Variants in MAMDC2 observed in about 807,000 individuals in gnomAD.
MAMDC2 encodes the protein MAM domain containing 2.
In MAMDC2, 57 loss-of-function variants were observed where a neutral mutation model predicts 89.8. The ratio of observed to expected loss-of-function variants is 0.63; its 90% confidence interval spans 0.51 to 0.79. The LOEUF (loss-of-function observed/expected upper bound fraction) is 0.79, where lower values mean the gene tolerates loss of function less well. Ranked by LOEUF, MAMDC2 falls within the 30% of genes least tolerant of loss-of-function variation. The pLI is 0.00. For missense variants in MAMDC2, 800 were observed against 820.6 expected (o/e 0.97, Z 0.31); for synonymous variants, 313 against 293.4 (o/e 1.07, Z -0.68).
At chr9:70,058,897 G>C (rs1827084982) in intron 2 of MAMDC2, among the ~76,000 whole-genome samples, 1 of 152,092 alleles carries the variant, frequency 6.6e-6, no homozygotes, top group African/African-American at 2.4e-5. Context: ...CAGTGCCCTG[G>C]AACAACAAGA....
chr9:70,139,227 C>T (rs1233483491), intron 7 of MAMDC2, among the ~76,000 whole-genome samples: 3 of 145,164 alleles, frequency 2.1e-5, no homozygotes, highest in East Asian at 4.2e-4. Context: ...CCCATTAACT[C>T]GTCATTTAGC....
chr9:70,193,295 C>A (rs1293845554), intron 11 of MAMDC2, among the ~76,000 whole-genome samples: 1 of 151,960 alleles, frequency 6.6e-6, no homozygotes, highest in Non-Finnish European at 1.5e-5. Flanking sequence ...ATTTCTTTTC[C>A]ATGGAGGATA....
intron 2 of MAMDC2, among the ~76,000 whole-genome samples, chr9:70,093,593 T>C (rs893158082): frequency 6.9e-6 from 1 of 144,248 alleles, no homozygotes; most frequent in Non-Finnish European, 1.5e-5. Context: ...GCCCGGCTAA[T>C]TTTTTTTTTT....
intron 9 of MAMDC2, among the ~76,000 whole-genome samples, chr9:70,161,280 C>T (rs1186339601): frequency 2.0e-5 from 3 of 152,122 alleles, no homozygotes; most frequent in African/African-American, 7.2e-5. Context: ...CAGTGTGGTC[C>T]CTAGCCCAGA....
chr9:70,214,714 A>C (rs1009153472), intron 11 of MAMDC2, among the ~76,000 whole-genome samples: 9 of 152,196 alleles, frequency 5.9e-5, no homozygotes, highest in African/African-American at 2.2e-4. Context: ...GACCAGGGTG[A>C]TAGCAGTGGA....
chr9:70,215,264 T>TTACTGATGG (rs111817753), intron 11 of MAMDC2, among the ~76,000 whole-genome samples: 129,244 of 151,584 alleles, frequency 0.85, 55,338 homozygotes, highest in East Asian at 0.96. Context: ...ATGTCCAATG[T>TTACTGATGG]TACAAAAATG....
At chr9:70,179,552 A>T (rs959683990) in intron 11 of MAMDC2, among the ~76,000 whole-genome samples, 1 of 146,528 alleles carries the variant, frequency 6.8e-6, no homozygotes, top group East Asian at 2.2e-4. Context: ...AATAAATAAA[A>T]ATAAAATAAA....
In MAMDC2 at chr9:70,043,872, T is replaced by C; in HGVS notation, c.-326T>C. On this transcript the variant is annotated 5_prime_UTR_variant, in exon 1 of 14. Coordinates refer to ENST00000377182, the MANE Select transcript of MAMDC2 (RefSeq NM_153267.5). ...CGACCTCTCCTCTCCCAGCCAGTCG[T>C]GGCTGGCCTTTCAAAGTGTGCAGTT... The C allele has an allele frequency of 2.3e-6, 1 of 430,662 alleles. No individual in the cohort carries two copies. Among genetic ancestry groups the C allele is most frequent in the Non-Finnish European group, 4.2e-6 (1 of 239,248 alleles). The allele number at this position is 430,662 out of a possible 1,614,324, so 26.7% of individuals were successfully genotyped here.
intron 4 of MAMDC2, 128 bp from the exon 5 acceptor site, chr9:70,112,867 G>T (rs1828547010): frequency 7.0e-6 from 8 of 1,143,696 alleles, no homozygotes; most frequent in Admixed American, 3.9e-5. Flanking sequence ...CAGGGGTCCT[G>T]GTAGAAAGGT....
intron 4 of MAMDC2, among the ~76,000 whole-genome samples, chr9:70,110,089 G>C (rs563160639): frequency 3.9e-4 from 60 of 152,192 alleles, no homozygotes; most frequent in Admixed American, 1.1e-3. Context: ...AACACATTCT[G>C]ATTAAAATAA....
intron 12 of MAMDC2, 141 bp from the exon 13 acceptor site, chr9:70,225,609 A>G (rs2033628093): frequency 1.9e-6 from 1 of 517,656 alleles, no homozygotes; most frequent in Non-Finnish European, 3.5e-6. Flanking sequence ...CTAGATTTCA[A>G]TTTGTAATTT....
chr9:70,203,151 T>C (rs1212903727), intron 11 of MAMDC2, among the ~76,000 whole-genome samples: 25 of 151,112 alleles, frequency 1.7e-4, no homozygotes, highest in Non-Finnish European at 3.3e-4. Context: ...TTCCTAGTCT[T>C]GATGGTCTTT....
At chr9:70,050,472 G>C (rs1789589267) in intron 2 of MAMDC2, among the ~76,000 whole-genome samples, 1 of 152,140 alleles carries the variant, frequency 6.6e-6, no homozygotes, top group Non-Finnish European at 1.5e-5. Flanking sequence ...CAAGCTGTGT[G>C]GGCTTGGGAA....
chr9:70,076,286 T>G (rs1188478922), intron 2 of MAMDC2, among the ~76,000 whole-genome samples: 1 of 152,016 alleles, frequency 6.6e-6, no homozygotes, highest in East Asian at 1.9e-4. Flanking sequence ...CCGAGTGTGG[T>G]GGCAGGCACC....
chr9:70,219,519 AG>A (rs1402320380), intron 12 of MAMDC2, among the ~76,000 whole-genome samples: 1 of 152,170 alleles, frequency 6.6e-6, no homozygotes, highest in Admixed American at 6.5e-5. Context: ...ATCCAAATTA[AG>A]GGTTTTATTT....
Position 70,220,482 on chromosome 9 carries a change from G to T in MAMDC2, c.1911+1886G>T, listed in dbSNP as rs534499091. Among the ~76,000 whole-genome samples the T allele has an allele frequency of 1.2e-4, 19 of 152,248 alleles. 1 individual carries two copies. The South Asian group carries it at 3.7e-3, about 30-fold the overall frequency. On this transcript the variant is annotated intron_variant, in intron 12 of 13. Coordinates refer to ENST00000377182, the MANE Select transcript of MAMDC2 (RefSeq NM_153267.5). ...AATCCAAATGATGCCAGGGAGACCA[G>T]GCTGAACTAGTTGCTCCAAAACATC...
chr9:70,216,254 T>C (rs990191334), intron 11 of MAMDC2: 9 of 152,194 alleles, frequency 5.9e-5, no homozygotes, highest in African/African-American at 1.7e-4. Context: ...CAAAATATCA[T>C]AGACTAGGTG....
intron 5 of MAMDC2, among the ~76,000 whole-genome samples, chr9:70,120,680 A>G (rs1162812174): frequency 3.3e-5 from 5 of 152,216 alleles, no homozygotes; most frequent in African/African-American, 1.2e-4. Flanking sequence ...TCTTTAGAAA[A>G]TAGAGGTTGT....
chr9:70,221,380 T>TATATAGAGAGAGAGAGAGAGAG, intron 12 of MAMDC2, among the ~76,000 whole-genome samples: 3 of 7,044 alleles, frequency 4.3e-4, no homozygotes, highest in Non-Finnish European at 5.2e-4. Context: ...TATATATATA[T>TATATAGAGAGAGAGAGAGAGAG]AGAGAGAGAG....
Sources: allele counts gnomAD v4.1 joint callset (sites outside exome capture counted in the v4.1 genomes callset), GRCh38; gene constraint gnomAD v4.1.1; transcripts MANE v1.5; gene names NCBI Gene and HGNC (gene_info 2026-07-23, HGNC 2026-07-21).